The following ZFHX3 variants were observed in gnomAD, a reference collection of about 807,000 sequenced individuals.
The protein encoded by ZFHX3 is zinc finger homeobox protein 3.
A neutral mutation model predicts 279.1 loss-of-function variants in ZFHX3; 42 were observed. The observed-to-expected ratio is 0.15, with a 90% confidence interval of 0.12 to 0.19. The LOEUF (loss-of-function observed/expected upper bound fraction) is 0.19, where lower values mean the gene tolerates loss of function less well. Ranked by LOEUF, ZFHX3 falls within the 10% of genes least tolerant of loss-of-function variation. ZFHX3 has a pLI of 1.00. For synonymous variants in ZFHX3, 2,293 were observed against 1,957.8 expected, an observed-to-expected ratio of 1.17 and a Z score of -4.52; for missense variants, 4,981 against 4,754.0, an observed-to-expected ratio of 1.05 and a Z score of -1.40.
intron 1 of ZFHX3, among the ~76,000 whole-genome samples, chr16:73,834,662 G>A (rs926238887): frequency 1.3e-5 from 2 of 152,228 alleles, no homozygotes; most frequent in African/African-American, 4.8e-5. Context: ...GGAGGCCCAG[G>A]CGGGCAGATC....
At chr16:73,837,255 T>A (rs1961167686) in intron 1 of ZFHX3, among the ~76,000 whole-genome samples, 1 of 152,222 alleles carries the variant, frequency 6.6e-6, no homozygotes, top group African/African-American at 2.4e-5. Flanking sequence ...ATCTTTGGAA[T>A]GGTTGTTTGA....
intron 2 of ZFHX3, among the ~76,000 whole-genome samples, chr16:73,597,961 A>G (rs1289629223): frequency 6.6e-6 from 1 of 152,182 alleles, no homozygotes; most frequent in African/African-American, 2.4e-5. Flanking sequence ...GTGACTCTAG[A>G]GCACATAGTG....
intron 1 of ZFHX3, among the ~76,000 whole-genome samples, chr16:72,978,904 C>T (rs1962472779): frequency 6.6e-6 from 1 of 152,184 alleles, no homozygotes; most frequent in South Asian, 2.1e-4. Flanking sequence ...TAGGTGCTTA[C>T]CATGCCCAGA....
intron 3 of ZFHX3, among the ~76,000 whole-genome samples, chr16:72,900,164 G>A (rs1038325207): frequency 2.0e-5 from 3 of 148,902 alleles, no homozygotes; most frequent in African/African-American, 7.5e-5. Context: ...AACAAGAAGT[G>A]TTTACTGGGT....
chr16:73,451,193 G>C (rs989304773), intron 3 of ZFHX3, among the ~76,000 whole-genome samples: 3 of 152,188 alleles, frequency 2.0e-5, no homozygotes, highest in Admixed American at 6.5e-5. Flanking sequence ...CACCTGATCT[G>C]AACTGGGGTG....
At chr16:73,533,542 G>T (rs888732052) in intron 2 of ZFHX3, among the ~76,000 whole-genome samples, 2 of 151,502 alleles carry the variant, frequency 1.3e-5, no homozygotes, top group African/African-American at 4.9e-5. Flanking sequence ...TACCATCTAT[G>T]TCCCAAGGAG....
intron 2 of ZFHX3, among the ~76,000 whole-genome samples, chr16:73,501,861 G>C (rs1055582861): frequency 2.0e-5 from 3 of 152,128 alleles, no homozygotes; most frequent in African/African-American, 7.2e-5. Context: ...CCAACGTCTC[G>C]TCTGTAAGGG....
chr16:73,383,124 C>T (rs1347989889), intron 3 of ZFHX3, among the ~76,000 whole-genome samples: 1 of 152,238 alleles, frequency 6.6e-6, no homozygotes, highest in Non-Finnish European at 1.5e-5. Flanking sequence ...AATCTCTTCT[C>T]TTAAGGCTTG....
At chr16:73,070,968 A>G (rs930442770) in intron 8 of ZFHX3, among the ~76,000 whole-genome samples, 2 of 110,282 alleles carry the variant, frequency 1.8e-5, no homozygotes, top group East Asian at 3.8e-4. Flanking sequence ...ACACACACAC[A>G]CACATCTGGG....
intron 1 of ZFHX3, among the ~76,000 whole-genome samples, chr16:73,853,307 C>T (rs1961635969): frequency 6.6e-6 from 1 of 152,190 alleles, no homozygotes; most frequent in Non-Finnish European, 1.5e-5. Flanking sequence ...CCATTTGACT[C>T]AGCAATCCCA....
intron 4 of ZFHX3, among the ~76,000 whole-genome samples, chr16:72,874,811 C>A (rs1311966565): frequency 6.6e-6 from 1 of 152,172 alleles, no homozygotes; most frequent in Non-Finnish European, 1.5e-5. Context: ...CTCATTAAAG[C>A]CACTTTGGAG....
intron 1 of ZFHX3, chr16:73,058,462 G>GGGA (rs967489797): frequency 5.3e-4 from 95 of 179,960 alleles, no homozygotes; most frequent in Non-Finnish European, 7.5e-4. Context: ...CGGTGGCGGC[G>GGGA]GGAGGAGGAG....
At chr16:73,476,583 T>C (rs551627589) in intron 2 of ZFHX3, among the ~76,000 whole-genome samples, 1 of 152,194 alleles carries the variant, frequency 6.6e-6, no homozygotes, top group African/African-American at 2.4e-5. Flanking sequence ...ACTACAATTT[T>C]TAATTGATTT....
chr16:73,110,119 G>C (rs1010473346), intron 7 of ZFHX3, among the ~76,000 whole-genome samples: 20 of 151,196 alleles, frequency 1.3e-4, no homozygotes, highest in African/African-American at 4.9e-4. Context: ...CAGGAGAATG[G>C]CGTGAACCTG....
chr16:73,480,795 G>C (rs1298817892), intron 2 of ZFHX3, among the ~76,000 whole-genome samples: 1 of 151,746 alleles, frequency 6.6e-6, no homozygotes, highest in Non-Finnish European at 1.5e-5. Flanking sequence ...TTCCATTTTT[G>C]GTTTATCTAC....
intron 7 of ZFHX3, among the ~76,000 whole-genome samples, chr16:73,115,744 T>A (rs559274055): frequency 7.9e-5 from 12 of 152,330 alleles, no homozygotes; most frequent in Admixed American, 2.0e-4. Flanking sequence ...ATGAGGAAAC[T>A]GAAGCTTAGT....
At chr16:73,848,965 C>T (rs1042670730) in intron 1 of ZFHX3, among the ~76,000 whole-genome samples, 1 of 152,188 alleles carries the variant, frequency 6.6e-6, no homozygotes, top group Admixed American at 6.5e-5. Context: ...TCTTTTGAGG[C>T]TAAACATTTT....
chr16:73,011,750 CT>C (rs1963927552), intron 1 of ZFHX3, among the ~76,000 whole-genome samples: 1 of 151,678 alleles, frequency 6.6e-6, no homozygotes. Context: ...ACAAGCCCCC[CT>C]GTGGATTCTT....
intron 2 of ZFHX3, among the ~76,000 whole-genome samples, chr16:73,517,068 C>T (rs529959526): frequency 6.6e-6 from 1 of 152,272 alleles, no homozygotes; most frequent in African/African-American, 2.4e-5. Context: ...CTTCATCCCC[C>T]CATAACAAAT....
Sources: gnomAD v4.1 joint callset for allele counts (sites outside exome capture counted in the v4.1 genomes callset) on GRCh38, gnomAD v4.1.1 for gene constraint, MANE v1.5 for transcripts, NCBI Gene and HGNC (gene_info 2026-07-23, HGNC 2026-07-21) for gene names.